AMZ1: variants seen among roughly 807,000 people sequenced by gnomAD.
AMZ1 encodes archaemetzincin-1.
AMZ1 carries 39 observed loss-of-function variants against 29.9 expected under a neutral mutation model. The ratio of observed to expected loss-of-function variants is 1.30; its 90% CI spans 1.01 to 1.70. The LOEUF is 1.70. Among genes scored for constraint, AMZ1 ranks in the 40% most tolerant of loss-of-function variants. The pLI is 0.00. For missense variants in AMZ1, 1,041 were observed against 680.6 expected (o/e 1.53, Z -5.89); for synonymous variants, 458 against 304.0 (o/e 1.51, Z -5.27).
chr7:2,723,776 C>G (rs1307367805), downstream of AMZ1, among the ~76,000 whole-genome samples: 1 of 152,250 alleles, frequency 6.6e-6, no homozygotes, highest in Non-Finnish European at 1.5e-5. Flanking sequence ...GAGACTCCCT[C>G]TGCGCCTGGA....
At chr7:2,741,065 C>T (rs1430803348) in intron 4 of AMZ1, among the ~76,000 whole-genome samples, 2 of 151,800 alleles carry the variant, frequency 1.3e-5, no homozygotes, top group African/African-American at 2.4e-5. Flanking sequence ...AACAAACAAA[C>T]AAACAAATAA....
upstream of AMZ1, chr7:2,762,641 C>T (rs752365171): frequency 3.1e-6 from 5 of 1,594,804 alleles, no homozygotes; most frequent in Admixed American, 1.7e-5. Context: ...CCATGAAGCA[C>T]AGAGCGGCAG....
intron 6 of AMZ1, 101 bp from the exon 7 acceptor site, chr7:2,712,229 G>A (rs1028909376): frequency 7.7e-7 from 1 of 1,292,570 alleles, no homozygotes; most frequent in Non-Finnish European, 1.0e-6. Context: ...CTGGGTAACT[G>A]AGGACGGTGG....
intron 4 of AMZ1, among the ~76,000 whole-genome samples, chr7:2,746,866 T>C (rs1425387761): frequency 6.6e-6 from 1 of 152,166 alleles, no homozygotes; most frequent in African/African-American, 2.4e-5. Flanking sequence ...AAATACAAAC[T>C]ACCATCAGAG....
intron 4 of AMZ1, among the ~76,000 whole-genome samples, chr7:2,750,814 C>T (rs142262144): frequency 2.2e-4 from 33 of 152,288 alleles, no homozygotes; most frequent in Middle Eastern, 3.4e-3. Flanking sequence ...AAAGTGAGGC[C>T]TCAGAACCAG....
At chr7:2,688,750 G>A (rs1787204988) in intron 1 of AMZ1, among the ~76,000 whole-genome samples, 1 of 152,188 alleles carries the variant, frequency 6.6e-6, no homozygotes, top group Admixed American at 6.5e-5. Context: ...TCGTGCCCAG[G>A]GCTCCCCGCA....
intron 2 of AMZ1, among the ~76,000 whole-genome samples, chr7:2,701,331 C>T (rs73283139): frequency 6.6e-6 from 1 of 152,130 alleles, no homozygotes; most frequent in Admixed American, 6.5e-5. Flanking sequence ...ACCTGTGTGA[C>T]TGGCAGAGCT....
rs1041056812 is a variant in AMZ1 at position 2,737,274 on chromosome 7, G to GTTTTTTT, written n.551-27430_551-27424dup. Among the ~76,000 whole-genome samples, 193 of 35,010 alleles carry GTTTTTTT rather than the reference G, an allele frequency of 5.5e-3. 21 individuals carry two copies. Among genetic ancestry groups the GTTTTTTT allele is most frequent in the East Asian group, 0.024 (29 of 1,200 alleles). The allele number at this position is 35,010 out of a possible 152,430, so 23.0% of individuals were successfully genotyped here. A position where few individuals can be genotyped will look rare whatever the true frequency, so the allele number is the denominator to read the frequency against. On this transcript the variant is annotated intron_variant and non_coding_transcript_variant, in intron 4 of 4. Transcript: ENST00000489665. ...AGGAGCTATCTCACAGTTTTGTTTT[G>GTTTTTTT]TTTTTTTTTTTTTTGTTTTTTTTTT...
At chr7:2,724,102 T>C (rs798541), downstream of AMZ1, among the ~76,000 whole-genome samples, 313 of 147,538 alleles carry the variant, frequency 2.1e-3, 5 homozygotes, top group Middle Eastern at 7.0e-3. Flanking sequence ...AGATGGGGAG[T>C]GGGGGGGCGG....
chr7:2,755,936 A>T (rs550957215), intron 4 of AMZ1, among the ~76,000 whole-genome samples: 1 of 152,354 alleles, frequency 6.6e-6, no homozygotes, highest in South Asian at 2.1e-4. Context: ...TACAAATCCC[A>T]GCAGGCATTT....
At chr7:2,702,662 G>A in intron 2 of AMZ1, 60 bp from the exon 3 acceptor site, 1 of 1,474,054 alleles carries the variant, frequency 6.8e-7, no homozygotes, top group Non-Finnish European at 9.0e-7. Flanking sequence ...GTGATTCCCG[G>A]GGAGAGGGTC....
upstream of AMZ1, among the ~76,000 whole-genome samples, chr7:2,761,599 A>G (rs147079409): frequency 3.6e-3 from 552 of 152,314 alleles, 3 homozygotes; most frequent in Non-Finnish European, 4.6e-3. Context: ...AACAGTTCTC[A>G]CTTTACACAG....
intron 5 of AMZ1, 119 bp downstream of exon 5, chr7:2,709,363 T>C (rs571724342): frequency 1.1e-5 from 13 of 1,161,330 alleles, no homozygotes; most frequent in East Asian, 2.7e-5. Flanking sequence ...CCTAACTCTA[T>C]GGAATGAGGA....
intron 4 of AMZ1, chr7:2,728,638 A>G (rs560670391): frequency 6.5e-6 from 1 of 152,710 alleles, no homozygotes; most frequent in South Asian, 2.1e-4. Context: ...ATCTTAATAA[A>G]AAAGACAATA....
chr7:2,709,896 G>A lies in AMZ1; in HGVS notation c.948+80G>A, dbSNP rs1181130734. On this transcript the variant is annotated intron_variant, in intron 6 of 6. Coordinates refer to ENST00000683327, the MANE Select transcript of AMZ1 (RefSeq NM_001384743.1). ...CGAGCGCCGCCTGGAGGCTACGCAG[G>A]GCATGGGGACCGCACACAGGCTTTG... 8 of 1,556,570 alleles carry A rather than the reference G, an allele frequency of 5.1e-6. 1 individual carries two copies. Among genetic ancestry groups the A allele is most frequent in the Non-Finnish European group, 7.0e-6 (8 of 1,147,704 alleles).
chr7:2,696,501 C>CA (rs1787752372), intron 1 of AMZ1, among the ~76,000 whole-genome samples: 1 of 150,252 alleles, frequency 6.7e-6, no homozygotes, highest in Admixed American at 6.6e-5. Context: ...TCGTGATCTG[C>CA]CCGCCTGGGC....
intron 1 of AMZ1, among the ~76,000 whole-genome samples, chr7:2,695,809 G>A (rs1583150460): frequency 1.3e-5 from 2 of 152,066 alleles, no homozygotes; most frequent in East Asian, 1.9e-4. Flanking sequence ...TCAGGAGTTC[G>A]AGACCAGCCT....
At chr7:2,703,595 G>T (rs1788186006) in intron 3 of AMZ1, among the ~76,000 whole-genome samples, 1 of 152,180 alleles carries the variant, frequency 6.6e-6, no homozygotes, top group Admixed American at 6.5e-5. Context: ...AGAGGCAGAG[G>T]TGAAGTGAGG....
In AMZ1 at chr7:2,744,018, C is replaced by T. The variant is rs530969612; in HGVS notation, n.551-20694C>T. Among the ~76,000 whole-genome samples, 34 of 152,326 alleles carry T rather than the reference C, an allele frequency of 2.2e-4. 1 individual carries two copies. The highest frequency in any genetic ancestry group is 6.0e-4 in the African/African-American group (25 of 41,580). On this transcript the variant is annotated intron_variant and non_coding_transcript_variant, in intron 4 of 4. Coordinates refer to the AMZ1 transcript ENST00000489665. ...GACTTGATTAGGTAAACAAAGCAGCCGGGAAGCTCAAACTGGGTGGAGCCC... is the reference window on the plus strand; with the variant it reads ...GACTTGATTAGGTAAACAAAGCAGCTGGGAAGCTCAAACTGGGTGGAGCCC...
Sources: allele counts gnomAD v4.1 joint callset (sites outside exome capture counted in the v4.1 genomes callset), GRCh38; gene constraint gnomAD v4.1.1; transcripts MANE v1.5; gene names NCBI Gene and HGNC (gene_info 2026-07-23, HGNC 2026-07-21).